The following GREB1L variants were observed in gnomAD, a reference collection of about 807,000 sequenced individuals.
GREB1L encodes GREB1-like protein.
In GREB1L, 17 loss-of-function variants were observed where a neutral mutation model predicts 200.8. The observed-to-expected ratio is 0.08, with a 90% CI of 0.06 to 0.13. The LOEUF (loss-of-function observed/expected upper bound fraction) is 0.13. Ranked by LOEUF, GREB1L falls within the 10% of genes least tolerant of loss-of-function variation. The probability of loss-of-function intolerance (pLI) is 1.00; values close to 1 mark genes in which losing one functional copy is unlikely to be tolerated. For synonymous variants in GREB1L, 789 were observed against 893.0 expected (o/e 0.88, Z 2.08); for missense variants, 1,657 against 2,367.7 (o/e 0.70, Z 6.23).
At chr18:21,484,098 T>C (rs1467445554) in intron 17 of GREB1L, among the ~76,000 whole-genome samples, 2 of 151,940 alleles carry the variant, frequency 1.3e-5, no homozygotes, top group African/African-American at 4.8e-5. Flanking sequence ...GGCCCAATCT[T>C]CCTTCTCTTA....
At chr18:21,258,013 T>G (rs1208481524) in intron 1 of GREB1L, among the ~76,000 whole-genome samples, 50 of 152,146 alleles carry the variant, frequency 3.3e-4, no homozygotes, top group Admixed American at 3.3e-3. Flanking sequence ...CAAATCTCAG[T>G]CTGGCTGATT....
At position 21,242,347 on chromosome 18, in the gene GREB1L, C is replaced by G. The variant is rs1598598193; in HGVS notation, c.-166C>G. 6.6e-6 allele frequency: 1 copy of G among 152,162 alleles called. No homozygotes were observed. The highest frequency in any genetic ancestry group is 6.5e-5 in the Admixed American group (1 of 15,272). 9.4% of individuals were successfully genotyped at this position (152,162 alleles called of 1,614,324 possible). On this transcript the variant is annotated 5_prime_UTR_variant, in exon 1 of 33. Transcript: ENST00000424526. ...GGTGGGGAGACCAGCCCGGCCGAGC[C>G]GAGGGCCACCCCCTGGTCCTCTGCC...
intron 13 of GREB1L, 168 bp downstream of exon 13, chr18:21,451,319 A>AG: frequency 1.4e-6 from 1 of 691,230 alleles, no homozygotes; most frequent in Admixed American, 3.0e-5. Context: ...GGAAGCAGTA[A>AG]GGGGGTCTAG....
At chr18:21,485,094 G>A (rs946645842) in intron 17 of GREB1L, among the ~76,000 whole-genome samples, 5 of 152,230 alleles carry the variant, frequency 3.3e-5, no homozygotes, top group African/African-American at 1.2e-4. Flanking sequence ...TCATCAAGAG[G>A]GGGCTACGTT....
At chr18:21,354,306 G>C (rs557534528) in intron 1 of GREB1L, among the ~76,000 whole-genome samples, 1 of 152,000 alleles carries the variant, frequency 6.6e-6, no homozygotes, top group Admixed American at 6.6e-5. Context: ...AAATAGTTTT[G>C]CCCAGGTATG....
chr18:21,328,132 G>A (rs1241580302), intron 1 of GREB1L, among the ~76,000 whole-genome samples: 1 of 151,958 alleles, frequency 6.6e-6, no homozygotes, highest in African/African-American at 2.4e-5. Context: ...ACCTTTCTCT[G>A]TCATGAACTC....
At chr18:21,477,781 G>A (rs545113721) in intron 17 of GREB1L, among the ~76,000 whole-genome samples, 223 of 137,628 alleles carry the variant, frequency 1.6e-3, no homozygotes, top group African/African-American at 5.8e-3. Context: ...GCGAGACTCC[G>A]TCTCAAAAAA....
chr18:21,485,196 GA>G (rs2036080600), intron 17 of GREB1L, among the ~76,000 whole-genome samples: 1 of 152,166 alleles, frequency 6.6e-6, no homozygotes, highest in Non-Finnish European at 1.5e-5. Flanking sequence ...TTATCATTAT[GA>G]AATGATGTCA....
At chr18:21,313,794 A>G (rs1226562041) in intron 1 of GREB1L, among the ~76,000 whole-genome samples, 3 of 152,204 alleles carry the variant, frequency 2.0e-5, no homozygotes, top group Admixed American at 1.3e-4. Context: ...GTCAAACCAC[A>G]TTTCTTAGAA....
intron 4 of GREB1L, 49 bp downstream of exon 4, chr18:21,384,452 C>T: frequency 7.1e-7 from 1 of 1,401,922 alleles, no homozygotes; most frequent in Non-Finnish European, 9.7e-7. Context: ...CTAATATTGT[C>T]TGACATATTT....
At chr18:21,449,442 C>A in intron 11 of GREB1L, 68 bp from the exon 12 acceptor site, 1 of 916,886 alleles carries the variant, frequency 1.1e-6, no homozygotes, top group Non-Finnish European at 1.6e-6. Context: ...TGCAGGAAAG[C>A]ATATGGGTGT....
intron 7 of GREB1L, 43 bp from the exon 8 acceptor site, chr18:21,439,478 G>A (rs549324559): frequency 3.5e-5 from 43 of 1,216,254 alleles, no homozygotes; most frequent in Middle Eastern, 1.9e-4. Context: ...GCAGTGCCCC[G>A]CCCAGCCTCT....
intron 2 of GREB1L, among the ~76,000 whole-genome samples, chr18:21,382,180 A>G (rs1000820513): frequency 6.6e-6 from 1 of 152,030 alleles, no homozygotes; most frequent in African/African-American, 2.4e-5. Context: ...CTGCGTCTCT[A>G]CTAAAAATAC....
chr18:21,267,300 G>A (rs1299001030), intron 1 of GREB1L, among the ~76,000 whole-genome samples: 2 of 149,616 alleles, frequency 1.3e-5, no homozygotes, highest in East Asian at 4.0e-4. Context: ...TCCTGCCTCA[G>A]CCTCCTGAGT....
At chr18:21,250,403 A>C (rs2037683693) in intron 1 of GREB1L, among the ~76,000 whole-genome samples, 1 of 152,200 alleles carries the variant, frequency 6.6e-6, no homozygotes, top group Admixed American at 6.5e-5. Flanking sequence ...AAGAATTTCT[A>C]GGGTGGGACC....
intron 7 of GREB1L, among the ~76,000 whole-genome samples, chr18:21,434,419 T>A (rs1180215088): frequency 6.7e-6 from 1 of 149,744 alleles, no homozygotes; most frequent in African/African-American, 2.5e-5. Context: ...GAGGTTGCAG[T>A]GAGCCGAGAT....
intron 1 of GREB1L, among the ~76,000 whole-genome samples, chr18:21,362,126 C>CT (rs1213045868): frequency 6.6e-6 from 1 of 151,318 alleles, no homozygotes; most frequent in Non-Finnish European, 1.5e-5. Context: ...ATGTATTCTA[C>CT]TTTGCCAGCC....
At chr18:21,254,724 C>T (rs1398411518) in intron 1 of GREB1L, among the ~76,000 whole-genome samples, 4 of 152,140 alleles carry the variant, frequency 2.6e-5, no homozygotes, top group South Asian at 2.1e-4. Context: ...GGTCATTCTC[C>T]GCCATCCTCA....
chr18:21,415,875 A>G (rs1442178865), intron 7 of GREB1L, among the ~76,000 whole-genome samples: 1 of 152,196 alleles, frequency 6.6e-6, no homozygotes, highest in East Asian at 1.9e-4. Context: ...TATACAAAAC[A>G]AAGCTCAAGG....
Sources: allele counts gnomAD v4.1 joint callset (sites outside exome capture counted in the v4.1 genomes callset), GRCh38; gene constraint gnomAD v4.1.1; transcripts MANE v1.5; gene names NCBI Gene and HGNC (gene_info 2026-07-23, HGNC 2026-07-21).